ADAMTSL1: variants seen among roughly 807,000 people sequenced by gnomAD.
ADAMTSL1 encodes the protein ADAMTS-like protein 1.
In ADAMTSL1, 126 loss-of-function variants were observed where a neutral mutation model predicts 201.8. The ratio of observed to expected loss-of-function variants is 0.62; its 90% CI spans 0.54 to 0.72. The LOEUF (loss-of-function observed/expected upper bound fraction) is 0.72. Ranked by LOEUF, ADAMTSL1 falls within the 30% of genes least tolerant of loss-of-function variation. The pLI is 0.00. For synonymous variants in ADAMTSL1, 1,121 were observed against 903.4 expected (o/e 1.24, Z -4.32); for missense variants, 2,679 against 2,277.8 (o/e 1.18, Z -3.59).
At chr9:18,643,737 T>C (rs1222250576) in intron 7 of ADAMTSL1, among the ~76,000 whole-genome samples, 1 of 152,098 alleles carries the variant, frequency 6.6e-6, no homozygotes, top group African/African-American at 2.4e-5. Flanking sequence ...CATTGGTCTA[T>C]GTGTCTGTTT....
At chr9:18,157,946 T>C (rs1242992687) in intron 1 of ADAMTSL1, among the ~76,000 whole-genome samples, 4 of 152,004 alleles carry the variant, frequency 2.6e-5, no homozygotes, top group African/African-American at 7.2e-5. Flanking sequence ...TATGTATGCA[T>C]AGGTATATTG....
intron 21 of ADAMTSL1, 195 bp from the exon 22 acceptor site, chr9:18,826,089 T>C: frequency 1.6e-6 from 1 of 642,376 alleles, no homozygotes. Flanking sequence ...ATTCTGATTC[T>C]TTGGTCACCC....
rs16937129 is a variant in ADAMTSL1, at chr9:18,830,620, C to T, written c.4249+643C>T. On this transcript the variant is annotated intron_variant, in intron 23 of 28. Coordinates refer to ENST00000380548, the MANE Select transcript of ADAMTSL1 (RefSeq NM_001040272.6). The stretch of plus-strand genomic sequence containing the variant: ...AGGAGTTGTACGAGGGCATTCAAGT[C>T]CTGGGCCCCCACACGAGAATCATGA... 3.6e-3 allele frequency among the ~76,000 whole-genome samples: 544 copies of T among 152,154 alleles called. 6 individuals carry two copies. The highest frequency in any genetic ancestry group is 0.012 in the African/African-American group (505 of 41,488).
At chr9:18,250,083 A>G (rs55678641) in intron 2 of ADAMTSL1, among the ~76,000 whole-genome samples, 5,110 of 152,352 alleles carry the variant, frequency 0.034, 130 homozygotes, top group Non-Finnish European at 0.055. Flanking sequence ...AAGTGTTATC[A>G]GTGTAGTTTA....
chr9:18,048,526 A>G (rs1049333402), intron 1 of ADAMTSL1, among the ~76,000 whole-genome samples: 14 of 152,228 alleles, frequency 9.2e-5, no homozygotes, highest in African/African-American at 3.4e-4. Flanking sequence ...CACATATTGC[A>G]TAACATGTAA....
At chr9:18,187,553 G>A (rs1389881170) in intron 2 of ADAMTSL1, among the ~76,000 whole-genome samples, 1 of 152,050 alleles carries the variant, frequency 6.6e-6, no homozygotes, top group East Asian at 1.9e-4. Context: ...ATTTAAATAT[G>A]TGTATACATT....
At chr9:18,145,049 A>G (rs1826574601) in intron 1 of ADAMTSL1, among the ~76,000 whole-genome samples, 1 of 152,224 alleles carries the variant, frequency 6.6e-6, no homozygotes, top group Non-Finnish European at 1.5e-5. Flanking sequence ...AGATGGCCTC[A>G]TTCTAGTTAA....
In ADAMTSL1 at chr9:18,018,118, G is replaced by T. The variant is rs1329929; in HGVS notation, c.87+111196G>T. Among the ~76,000 whole-genome samples, 505 of 152,160 alleles carry T rather than the reference G, an allele frequency of 3.3e-3. 3 individuals carry two copies. The highest frequency in any genetic ancestry group is 0.011 in the African/African-American group (469 of 41,528). ...CACATATATAGAAAAATATACAACAGAGATGATATGTGCACTCAAAAGCCT... is the reference window on the plus strand; with the variant it reads ...CACATATATAGAAAAATATACAACATAGATGATATGTGCACTCAAAAGCCT... On this transcript the variant is annotated intron_variant, in intron 1 of 29. Coordinates refer to the ADAMTSL1 transcript ENST00000680146.
chr9:18,632,412 A>T (rs542686783), intron 5 of ADAMTSL1, among the ~76,000 whole-genome samples: 1 of 152,340 alleles, frequency 6.6e-6, no homozygotes, highest in South Asian at 2.1e-4. Flanking sequence ...CAGATGACAC[A>T]TAAGAAAAAG....
chr9:18,510,904 T>G (rs1301286405), intron 2 of ADAMTSL1, among the ~76,000 whole-genome samples: 1 of 152,212 alleles, frequency 6.6e-6, no homozygotes, highest in Non-Finnish European at 1.5e-5. Flanking sequence ...AAATAATATT[T>G]ATAGTGAACT....
intron 23 of ADAMTSL1, among the ~76,000 whole-genome samples, chr9:18,869,294 C>T (rs1827738458): frequency 6.6e-6 from 1 of 152,202 alleles, no homozygotes; most frequent in African/African-American, 2.4e-5. Context: ...CAAGCCAAGG[C>T]CACCCAGTTT....
chr9:18,314,435 C>A (rs1834279380), intron 2 of ADAMTSL1, among the ~76,000 whole-genome samples: 1 of 152,010 alleles, frequency 6.6e-6, no homozygotes, highest in African/African-American at 2.4e-5. Context: ...GGTTTGTGAT[C>A]TCGCTGACTT....
chr9:18,080,222 T>G (rs1823431632), intron 1 of ADAMTSL1, among the ~76,000 whole-genome samples: 1 of 150,960 alleles, frequency 6.6e-6, no homozygotes, highest in African/African-American at 2.4e-5. Context: ...GAACAAAGAG[T>G]AGTGATCACA....
chr9:18,228,758 A>G (rs967857609), intron 2 of ADAMTSL1, among the ~76,000 whole-genome samples: 2 of 152,058 alleles, frequency 1.3e-5, no homozygotes, highest in Non-Finnish European at 2.9e-5. Flanking sequence ...AAATGGAAGT[A>G]TAAGTCGAGT....
At chr9:18,757,091 C>A (rs1286370030) in intron 16 of ADAMTSL1, among the ~76,000 whole-genome samples, 1 of 152,100 alleles carries the variant, frequency 6.6e-6, no homozygotes, top group Non-Finnish European at 1.5e-5. Flanking sequence ...TGTTAGGGGA[C>A]CATTTTTATT....
chr9:18,492,595 C>T (rs1157324467), intron 1 of ADAMTSL1, among the ~76,000 whole-genome samples: 1 of 152,104 alleles, frequency 6.6e-6, no homozygotes, highest in African/African-American at 2.4e-5. Flanking sequence ...AATTGCACTG[C>T]ACAACGTTTT....
intron 3 of ADAMTSL1, among the ~76,000 whole-genome samples, chr9:18,539,421 G>A (rs568149477): frequency 1.2e-4 from 18 of 152,292 alleles, no homozygotes; most frequent in African/African-American, 2.9e-4. Flanking sequence ...TTCTTTCACC[G>A]CTGCATACTC....
intron 15 of ADAMTSL1, among the ~76,000 whole-genome samples, chr9:18,747,265 T>A (rs1350270501): frequency 6.6e-6 from 1 of 152,206 alleles, no homozygotes; most frequent in Non-Finnish European, 1.5e-5. Context: ...TGTTAGCTGA[T>A]CCTGTAAAAT....
At chr9:18,033,678 A>G (rs542530190) in intron 1 of ADAMTSL1, among the ~76,000 whole-genome samples, 1 of 152,290 alleles carries the variant, frequency 6.6e-6, no homozygotes, top group African/African-American at 2.4e-5. Flanking sequence ...AAGACAACCA[A>G]GTTTCATATT....
Sources: gnomAD v4.1 joint callset for allele counts (sites outside exome capture counted in the v4.1 genomes callset) on GRCh38, gnomAD v4.1.1 for gene constraint, MANE v1.5 for transcripts, NCBI Gene and HGNC (gene_info 2026-07-23, HGNC 2026-07-21) for gene names.